Variants in SORCS3 observed in about 807,000 individuals in gnomAD.
SORCS3 encodes sortilin related VPS10 domain containing receptor 3.
Under a neutral mutation model 146.3 loss-of-function variants are expected in SORCS3, and 57 were observed. That is an observed-to-expected ratio of 0.39 (90% CI 0.31 to 0.49). The LOEUF is 0.49. Among genes scored for constraint, SORCS3 ranks in the 20% least tolerant of loss-of-function variants. The probability of loss-of-function intolerance (pLI) is 0.92; values close to 1 mark genes in which losing one functional copy is unlikely to be tolerated. For missense variants in SORCS3, 1,341 were observed against 1,575.5 expected (o/e 0.85, Z 2.52); for synonymous variants, 653 against 618.5 (o/e 1.06, Z -0.83).
At chr10:105,058,750 G>T (rs952435853) in intron 5 of SORCS3, among the ~76,000 whole-genome samples, 1 of 152,112 alleles carries the variant, frequency 6.6e-6, no homozygotes, top group Non-Finnish European at 1.5e-5. Context: ...ATTCAAAGGG[G>T]TGATGACCAA....
At chr10:104,942,668 A>C (rs2019332441) in intron 3 of SORCS3, among the ~76,000 whole-genome samples, 2 of 152,220 alleles carry the variant, frequency 1.3e-5, no homozygotes, top group African/African-American at 4.8e-5. Context: ...TGCCACAATT[A>C]CATAATAAAG....
intron 1 of SORCS3, among the ~76,000 whole-genome samples, chr10:104,651,694 T>G (rs1429201526): frequency 6.6e-6 from 1 of 151,460 alleles, no homozygotes; most frequent in Non-Finnish European, 1.5e-5. Flanking sequence ...GGTGACAGAG[T>G]GAGACTCCGT....
At chr10:105,051,171 C>G (rs1474033217) in intron 5 of SORCS3, among the ~76,000 whole-genome samples, 4 of 152,102 alleles carry the variant, frequency 2.6e-5, no homozygotes, top group Non-Finnish European at 5.9e-5. Context: ...TACATATACA[C>G]ACACAAGGCA....
At chr10:104,935,717 G>A (rs767032294) in intron 3 of SORCS3, among the ~76,000 whole-genome samples, 2 of 142,060 alleles carry the variant, frequency 1.4e-5, no homozygotes, top group African/African-American at 2.5e-5. Context: ...CAACACATCA[G>A]TAGAGGTTTG....
intron 3 of SORCS3, among the ~76,000 whole-genome samples, chr10:104,925,547 G>A (rs972409863): frequency 2.0e-5 from 3 of 152,208 alleles, no homozygotes; most frequent in Non-Finnish European, 4.4e-5. Context: ...GATGAGTGGG[G>A]AAATGAATAT....
intron 7 of SORCS3, among the ~76,000 whole-genome samples, chr10:105,124,895 C>T (rs2055962334): frequency 6.6e-6 from 1 of 152,184 alleles, no homozygotes; most frequent in Non-Finnish European, 1.5e-5. Context: ...CGGCTGTACC[C>T]AAGGCCTTCT....
intron 7 of SORCS3, among the ~76,000 whole-genome samples, chr10:105,122,707 T>C (rs2055943115): frequency 6.6e-6 from 1 of 152,208 alleles, no homozygotes; most frequent in African/African-American, 2.4e-5. Context: ...TCAAAAGCAT[T>C]TAAGAAATTG....
chr10:105,066,673 C>T (rs2055524702), intron 5 of SORCS3, among the ~76,000 whole-genome samples: 3 of 152,168 alleles, frequency 2.0e-5, no homozygotes, highest in Admixed American at 6.5e-5. Context: ...CCCTTCCACT[C>T]TTCTTATTTG....
chr10:105,211,628 A>C (rs1268775714), intron 17 of SORCS3, among the ~76,000 whole-genome samples: 1 of 152,214 alleles, frequency 6.6e-6, no homozygotes, highest in African/African-American at 2.4e-5. Context: ...ACTCTGTGAC[A>C]CTGATGCTGA....
intron 9 of SORCS3, among the ~76,000 whole-genome samples, chr10:105,153,348 A>G (rs896013543): frequency 2.0e-5 from 3 of 152,152 alleles, no homozygotes; most frequent in Non-Finnish European, 2.9e-5. Flanking sequence ...TTGTTTTTCA[A>G]TCACCAGCTG....
intron 2 of SORCS3, among the ~76,000 whole-genome samples, chr10:104,847,854 T>C (rs2018224680): frequency 6.6e-6 from 1 of 152,186 alleles, no homozygotes; most frequent in Admixed American, 6.5e-5. Flanking sequence ...ACAGCCATTC[T>C]TCCTGTATGC....
chr10:104,757,066 G>GTTTTTT (rs35550035), intron 1 of SORCS3, among the ~76,000 whole-genome samples: 1 of 83,984 alleles, frequency 1.2e-5, no homozygotes, highest in Non-Finnish European at 2.2e-5. Context: ...CAAGTTAAGG[G>GTTTTTT]TTTTTTTTTT....
At chr10:105,131,113 G>T (rs1349286235) in intron 7 of SORCS3, among the ~76,000 whole-genome samples, 1 of 152,048 alleles carries the variant, frequency 6.6e-6, no homozygotes, top group Non-Finnish European at 1.5e-5. Flanking sequence ...GTTTTATTTT[G>T]TTCTTAAGAT....
At chr10:104,800,252 A>G (rs961395068) in intron 1 of SORCS3, among the ~76,000 whole-genome samples, 315 of 152,010 alleles carry the variant, frequency 2.1e-3, no homozygotes, top group African/African-American at 7.4e-3. Context: ...TCATATATAT[A>G]TATATATGTA....
intron 2 of SORCS3, among the ~76,000 whole-genome samples, chr10:104,909,270 T>C (rs34303669): frequency 0.37 from 55,902 of 151,994 alleles, 13,379 homozygotes; most frequent in African/African-American, 0.68. Context: ...CAACCTGAGC[T>C]AGAGCTACTT....
intron 2 of SORCS3, among the ~76,000 whole-genome samples, chr10:104,881,006 A>G (rs187613869): frequency 5.3e-5 from 8 of 152,220 alleles, no homozygotes; most frequent in African/African-American, 9.6e-5. Context: ...AATCTGAGAG[A>G]TAATGCCTTG....
intron 20 of SORCS3, among the ~76,000 whole-genome samples, chr10:105,242,977 ATT>A (rs1239977384): frequency 7.9e-6 from 1 of 126,998 alleles, no homozygotes; most frequent in Non-Finnish European, 1.6e-5. Context: ...TATGATATAT[ATT>A]ATATATAATA....
At chr10:105,032,489 C>T (rs2696864) in intron 4 of SORCS3, among the ~76,000 whole-genome samples, 61,205 of 151,872 alleles carry the variant, frequency 0.4, 12,821 homozygotes, top group African/African-American at 0.52. Context: ...TACAAGTTTT[C>T]TTCCTATAAT....
intron 5 of SORCS3, among the ~76,000 whole-genome samples, chr10:105,048,970 T>C (rs917615381): frequency 2.6e-5 from 4 of 152,264 alleles, no homozygotes; most frequent in Admixed American, 2.0e-4. Context: ...TATTCTGTTT[T>C]ATTTTTTATC....
Sources: allele counts gnomAD v4.1 joint callset (sites outside exome capture counted in the v4.1 genomes callset), GRCh38; gene constraint gnomAD v4.1.1; transcripts MANE v1.5; gene names NCBI Gene and HGNC (gene_info 2026-07-23, HGNC 2026-07-21).